The following PPP2R5E variants were observed in gnomAD, a reference collection of about 807,000 sequenced individuals.
The protein encoded by PPP2R5E is protein phosphatase 2 regulatory subunit B'epsilon, also known as serine/threonine-protein phosphatase 2A 56 kDa regulatory subunit epsilon isoform.
Under a neutral mutation model 65.3 loss-of-function variants are expected in PPP2R5E, and 4 were observed. The ratio of observed to expected loss-of-function variants is 0.06; its 90% CI spans 0.03 to 0.14. PPP2R5E has a LOEUF of 0.14. PPP2R5E is among the 10% of genes least tolerant of loss of function. The pLI is 1.00. For missense variants in PPP2R5E, 274 were observed against 556.1 expected, an observed-to-expected ratio of 0.49 and a Z score of 5.10; for synonymous variants, 183 against 187.4, an observed-to-expected ratio of 0.98 and a Z score of 0.19.
chr14:63,374,636 T>TTATATATATATATATATATATATATAA lies in PPP2R5E; in HGVS notation c.*1372_*1373insTTATATATATATATATATATATATATA, dbSNP rs1883878742. The TTATATATATATATATATATATATATAA allele has an allele frequency of 2.4e-5, 1 of 42,142 alleles. No individual in the cohort carries two copies. Among genetic ancestry groups the TTATATATATATATATATATATATATAA allele is most frequent in the African/African-American group, 6.4e-5 (1 of 15,610 alleles). The allele number at this position is 42,142 out of a possible 1,614,324, so 2.6% of individuals were successfully genotyped here. ...AATACAAAGCAGAGAGCCAATAAGA[T>TTATATATATATATATATATATATATAA]ATATATATATATATATATATATATA... On this transcript the variant is annotated 3_prime_UTR_variant, in exon 14 of 14. Coordinates refer to ENST00000337537, the MANE Select transcript of PPP2R5E (RefSeq NM_006246.5).
intron 4 of PPP2R5E, 134 bp from the exon 5 acceptor site, chr14:63,415,366 C>G: frequency 2.0e-6 from 1 of 510,362 alleles, no homozygotes. Context: ...CAAACCAGGC[C>G]AGCCTTTCTT....
At chr14:63,515,069 T>C (rs542322151) in intron 2 of PPP2R5E, among the ~76,000 whole-genome samples, 1 of 152,134 alleles carries the variant, frequency 6.6e-6, no homozygotes, top group African/African-American at 2.4e-5. Context: ...CCCATGTCAC[T>C]TCTGTATTTC....
intron 2 of PPP2R5E, among the ~76,000 whole-genome samples, chr14:63,491,565 A>C (rs1891287181): frequency 6.6e-6 from 1 of 152,174 alleles, no homozygotes; most frequent in Non-Finnish European, 1.5e-5. Context: ...AATTAATTTC[A>C]GACTGGGCAC....
At chr14:63,484,700 C>T (rs1594928258) in intron 2 of PPP2R5E, among the ~76,000 whole-genome samples, 1 of 152,090 alleles carries the variant, frequency 6.6e-6, no homozygotes, top group East Asian at 1.9e-4. Context: ...TAAGTCTAGG[C>T]CAGGTATATT....
At chr14:63,516,493 G>A (rs1892677187) in intron 2 of PPP2R5E, among the ~76,000 whole-genome samples, 1 of 152,192 alleles carries the variant, frequency 6.6e-6, no homozygotes, top group East Asian at 1.9e-4. Flanking sequence ...TAAGCCACCT[G>A]CTGCAAAGAT....
intron 2 of PPP2R5E, among the ~76,000 whole-genome samples, chr14:63,511,410 T>C (rs1047476041): frequency 7.2e-5 from 11 of 152,314 alleles, no homozygotes; most frequent in African/African-American, 2.6e-4. Flanking sequence ...TGAGTGAGAC[T>C]ATCCATCTGA....
intron 3 of PPP2R5E, among the ~76,000 whole-genome samples, chr14:63,432,719 C>A (rs889785249): frequency 6.6e-6 from 1 of 152,130 alleles, no homozygotes; most frequent in Admixed American, 6.5e-5. Flanking sequence ...AAAAGAAAGA[C>A]ATTTGAGCTG....
intron 2 of PPP2R5E, among the ~76,000 whole-genome samples, chr14:63,472,291 T>G (rs1368726687): frequency 6.6e-6 from 1 of 151,890 alleles, no homozygotes; most frequent in Non-Finnish European, 1.5e-5. Context: ...CAAGAGTGAA[T>G]CTCCATCTCA....
intron 2 of PPP2R5E, among the ~76,000 whole-genome samples, chr14:63,523,113 A>C (rs1255766): frequency 0.025 from 3,567 of 141,612 alleles, 189 homozygotes; most frequent in African/African-American, 0.095. Context: ...CCCGGCCAGC[A>C]GCCCCTTCCG....
At chr14:63,445,437 C>T (rs1379575333) in intron 3 of PPP2R5E, among the ~76,000 whole-genome samples, 2 of 152,190 alleles carry the variant, frequency 1.3e-5, no homozygotes, top group African/African-American at 2.4e-5. Flanking sequence ...GAGCCTTTAG[C>T]GAGTTGTAAT....
rs560701630 is a variant in PPP2R5E at position 63,497,727 on chromosome 14, G to A, written c.157+41802C>T. On this transcript the variant is annotated intron_variant, in intron 2 of 13. Transcript: ENST00000337537. The stretch of plus-strand genomic sequence containing the variant: ...TGTACCAGTGTGCTCCAGCCTGGGC[G>A]ACAGAGGGAGACTCCATCTCAAAAA... Among the ~76,000 whole-genome samples the A allele has an allele frequency of 4.0e-5, 6 of 150,906 alleles. No homozygotes were observed. In the East Asian group the frequency reaches 1.2e-3, roughly 29 times the overall value.
intron 2 of PPP2R5E, among the ~76,000 whole-genome samples, chr14:63,467,307 G>A (rs559969823): frequency 2.6e-4 from 39 of 151,426 alleles, no homozygotes; most frequent in Middle Eastern, 3.4e-3. Context: ...CAAAACATCC[G>A]TCTCCAAGGG....
Position 63,371,441 on chromosome 14 carries a change from T to C in PPP2R5E, c.*4568A>G, listed in dbSNP as rs1032987929. On this transcript the variant is annotated 3_prime_UTR_variant, in exon 14 of 14. Transcript: ENST00000337537. ...ACATCTGTGAAAGGGGAAGGTTACA[T>C]TTCTTTTTGGGGAGCACCTTCATTT... 1 of 152,244 alleles carries C rather than the reference T, an allele frequency of 6.6e-6. No individual in the cohort carries two copies. Among genetic ancestry groups the C allele is most frequent in the African/African-American group, 2.4e-5 (1 of 41,466 alleles). The allele number at this position is 152,244 out of a possible 1,614,324, so 9.4% of individuals were successfully genotyped here. A position where few individuals can be genotyped will look rare whatever the true frequency, so the allele number is the denominator to read the frequency against.
At chr14:63,523,129 T>TG (rs1172235362) in intron 2 of PPP2R5E, among the ~76,000 whole-genome samples, 14 of 147,104 alleles carry the variant, frequency 9.5e-5, no homozygotes, top group East Asian at 2.1e-4. Context: ...TTCCGGGAAG[T>TG]GGGGGGCGCC....
intron 5 of PPP2R5E, among the ~76,000 whole-genome samples, chr14:63,410,276 C>T (rs191320008): frequency 1.3e-5 from 2 of 152,218 alleles, no homozygotes; most frequent in East Asian, 3.9e-4. Context: ...AAACGTCATC[C>T]TGATTTGTCA....
intron 3 of PPP2R5E, among the ~76,000 whole-genome samples, chr14:63,432,305 G>A (rs1490962325): frequency 1.3e-5 from 2 of 152,134 alleles, no homozygotes; most frequent in Non-Finnish European, 2.9e-5. Flanking sequence ...AGCAGTCGGA[G>A]TATTTAGCTG....
chr14:63,490,977 G>C (rs1891257924), intron 2 of PPP2R5E, among the ~76,000 whole-genome samples: 1 of 151,812 alleles, frequency 6.6e-6, no homozygotes. Context: ...GAAAGATATG[G>C]AATCAACCTT....
chr14:63,499,074 T>G (rs1313503895), intron 2 of PPP2R5E, among the ~76,000 whole-genome samples: 2 of 152,136 alleles, frequency 1.3e-5, no homozygotes, highest in Non-Finnish European at 2.9e-5. Context: ...CACAGGCAAT[T>G]TTTAAGAAAT....
intron 2 of PPP2R5E, among the ~76,000 whole-genome samples, chr14:63,529,422 G>A (rs552491926): frequency 3.2e-4 from 48 of 148,002 alleles, no homozygotes; most frequent in East Asian, 9.9e-4. Context: ...GTGCAGTGGC[G>A]CAATCTTGGC....
Sources: gnomAD v4.1 joint callset for allele counts (sites outside exome capture counted in the v4.1 genomes callset) on GRCh38, gnomAD v4.1.1 for gene constraint, MANE v1.5 for transcripts, NCBI Gene and HGNC (gene_info 2026-07-23, HGNC 2026-07-21) for gene names.